POLDIP3: variants seen among roughly 807,000 people sequenced by gnomAD.
The protein encoded by POLDIP3 is polymerase delta-interacting protein 3.
A neutral mutation model predicts 45.1 loss-of-function variants in POLDIP3; 14 were observed. The observed-to-expected ratio is 0.31, with a 90% CI of 0.20 to 0.49. The LOEUF (loss-of-function observed/expected upper bound fraction) is 0.49. Among genes scored for constraint, POLDIP3 ranks in the 20% least tolerant of loss-of-function variants. The pLI, the probability that POLDIP3 is intolerant of heterozygous loss-of-function variation, is 0.99. For synonymous variants in POLDIP3, 223 were observed against 205.2 expected (o/e 1.09, Z -0.74); for missense variants, 511 against 538.8 (o/e 0.95, Z 0.51).
intron 1 of POLDIP3, among the ~76,000 whole-genome samples, chr22:42,610,108 A>G (rs1927030805): frequency 1.3e-5 from 2 of 152,100 alleles, no homozygotes; most frequent in African/African-American, 4.8e-5. Flanking sequence ...CAGGAGGTGG[A>G]GGTTTCGGTG....
intron 1 of POLDIP3, among the ~76,000 whole-genome samples, chr22:42,614,516 C>A (rs1927343309): frequency 1.3e-5 from 2 of 152,182 alleles, no homozygotes; most frequent in South Asian, 4.1e-4. Flanking sequence ...GACCCCGGAA[C>A]GCGGGGGCCC....
rs554557740 is a variant in POLDIP3, at chr22:42,591,085, A to G, written c.1021+870T>C. Among the ~76,000 whole-genome samples the G allele has an allele frequency of 9.3e-5, 14 of 151,040 alleles. 2 individuals are homozygous for G. The South Asian group carries it at 2.9e-3, about 31-fold the overall frequency. On this transcript the variant is annotated intron_variant, in intron 7 of 8. Coordinates refer to ENST00000252115, the MANE Select transcript of POLDIP3 (RefSeq NM_032311.5). Reference sequence around the variant, plus strand: ...AGAAACTCAAAAAAAATAAAAAAATAAAAAAATAATAAAAAATAAAAATAA... The same window carrying G: ...AGAAACTCAAAAAAAATAAAAAAATGAAAAAATAATAAAAAATAAAAATAA...
At chr22:42,595,725 G>C in intron 5 of POLDIP3, 111 bp from the exon 6 acceptor site, 2 of 947,436 alleles carry the variant, frequency 2.1e-6, no homozygotes, top group South Asian at 1.4e-5. Context: ...GCTCCATGGA[G>C]AGTTACCACA....
chr22:42,597,529 G>C, intron 4 of POLDIP3: 2 of 316,554 alleles, frequency 6.3e-6, no homozygotes, highest in Non-Finnish European at 1.3e-5. Flanking sequence ...GGGTGATGTT[G>C]AACAGGCTTA....
In POLDIP3 at chr22:42,587,544, C is replaced by T. The variant is rs1925389322; in HGVS notation, c.1050G>A (p.Met350Ile). 4 of 1,614,158 alleles carry T rather than the reference C, an allele frequency of 2.5e-6. No individual in the cohort carries two copies. The change falls in exon 8 of 9, where the codon ATG becomes ATA. Residue 350 changes from methionine to isoleucine, a missense_variant. Met to Ile is a conservative substitution (Grantham distance 10). This residue lies in a region of POLDIP3 where 66 missense variants were observed against 118.1 expected (regional missense o/e 0.56). Transcript: ENST00000252115. ...GGTCTGAGGTGATAACATTCCCATT[C>T]ATGTGAAGGTTGCACTTCATCGGCT... ...DGQPMKCNLH[M>I]NGNVITSDQP...
intron 1 of POLDIP3, among the ~76,000 whole-genome samples, chr22:42,612,523 C>T (rs1927189127): frequency 6.6e-6 from 1 of 152,164 alleles, no homozygotes; most frequent in Non-Finnish European, 1.5e-5. Context: ...TGCCACATGG[C>T]ACAAACTTTA....
At chr22:42,611,551 C>T (rs1019810589) in intron 1 of POLDIP3, among the ~76,000 whole-genome samples, 4 of 152,196 alleles carry the variant, frequency 2.6e-5, no homozygotes, top group Non-Finnish European at 2.9e-5. Flanking sequence ...ATCCATGCAA[C>T]ATTAAAACCA....
rs1926221393 is a variant in POLDIP3 at position 42,599,631 on chromosome 22, T to C, written c.633+67A>G. ...TCAAAACAAAAAAAACAACAGGTTC[T>C]ATTCAACACGACCTCTCCCACCTGC... On this transcript the variant is annotated intron_variant, in intron 4 of 8. Transcript: ENST00000252115. The C allele has an allele frequency of 3.1e-5, 37 of 1,189,960 alleles. 1 individual carries two copies. In the South Asian group the frequency reaches 4.5e-4, roughly 14 times the overall value. The allele number at this position is 1,189,960 out of a possible 1,614,324, so 73.7% of individuals were successfully genotyped here.
chr22:42,611,037 A>G (rs1927087408), intron 1 of POLDIP3, among the ~76,000 whole-genome samples: 1 of 152,226 alleles, frequency 6.6e-6, no homozygotes, highest in South Asian at 2.1e-4. Context: ...GTGAGGAAAG[A>G]TAGCACCTCA....
intron 8 of POLDIP3, among the ~76,000 whole-genome samples, 176 bp downstream of exon 8, chr22:42,587,330 A>G (rs547240279): frequency 6.6e-6 from 1 of 152,226 alleles, no homozygotes; most frequent in Admixed American, 6.5e-5. Flanking sequence ...CCCTGGGGAA[A>G]TAACAAAGCA....
Position 42,595,614 on chromosome 22 carries a change from G to C in POLDIP3, c.814C>G (p.Pro272Ala). Residue 272 changes from proline to alanine, a missense_variant and splice_region_variant, in exon 6 of 9, where the codon CCT becomes GCT. By Grantham distance (27) the Pro-to-Ala change is conservative. Around this residue, in one of 4 missense-constraint regions of POLDIP3, gnomAD observed 378 missense variants for 352.3 expected, o/e 1.07. Coordinates refer to ENST00000252115, the MANE Select transcript of POLDIP3 (RefSeq NM_032311.5). ...EPPKELPAAE[P>A]VLSPLEGTKM... ...GTGCCTTCCAATGGGCTGAGAACAG[G>C]CTGCCACACAGACAAGAGCATTACC... 6.2e-7 allele frequency: 1 copy of C among 1,613,660 alleles called. No homozygotes were observed.
At chr22:42,594,829 T>C (rs1465277555) in intron 6 of POLDIP3, among the ~76,000 whole-genome samples, 1 of 152,226 alleles carries the variant, frequency 6.6e-6, no homozygotes, top group Non-Finnish European at 1.5e-5. Context: ...TCTTTCACTT[T>C]GGAATCATCT....
chr22:42,591,883 TG>T, intron 7 of POLDIP3, 71 bp downstream of exon 7: 1 of 1,595,148 alleles, frequency 6.3e-7, no homozygotes, highest in Admixed American at 1.7e-5. Flanking sequence ...AGACTTCCCC[TG>T]GAAGGCCTGC....
intron 1 of POLDIP3, among the ~76,000 whole-genome samples, chr22:42,614,171 C>T (rs1927309216): frequency 6.6e-6 from 1 of 152,234 alleles, no homozygotes; most frequent in Non-Finnish European, 1.5e-5. Context: ...CACTCTACCA[C>T]TTCCAGCCTC....
intron 3 of POLDIP3, among the ~76,000 whole-genome samples, chr22:42,601,108 C>T (rs1165091762): frequency 1.3e-5 from 2 of 151,862 alleles, no homozygotes; most frequent in South Asian, 2.1e-4. Flanking sequence ...AAAAAAGAAG[C>T]GTACATGTAA....
At chr22:42,604,831 C>G (rs1376149514) in intron 1 of POLDIP3, among the ~76,000 whole-genome samples, 2 of 152,234 alleles carry the variant, frequency 1.3e-5, no homozygotes, top group Admixed American at 1.3e-4. Context: ...GACTGAACAT[C>G]TGTGTCCCCC....
chr22:42,585,520 G>A lies in POLDIP3; in HGVS notation c.*271C>T, dbSNP rs777800912. The A allele has an allele frequency of 9.4e-5, 43 of 457,184 alleles. No individual in the cohort carries two copies. The highest frequency in any genetic ancestry group is 1.6e-4 in the Non-Finnish European group (40 of 249,672). 28.3% of individuals were successfully genotyped at this position (457,184 alleles called of 1,614,324 possible). ...AGATAAGAAATCAGCTTGGGGCTGA[G>A]GCTCGGGGAGGCACACACTGAAAAA... On this transcript the variant is annotated 3_prime_UTR_variant, in exon 9 of 9. Transcript: ENST00000252115.
chr22:42,608,385 T>TGGACTCCA (rs1198823071), intron 1 of POLDIP3, among the ~76,000 whole-genome samples: 2 of 150,550 alleles, frequency 1.3e-5, no homozygotes, highest in African/African-American at 4.9e-5. Flanking sequence ...ATCACACCAC[T>TGGACTCCA]GGACTCCAGC....
chr22:42,603,234 T>TAACAC, intron 1 of POLDIP3, 74 bp from the exon 2 acceptor site: 1 of 1,513,288 alleles, frequency 6.6e-7, no homozygotes, highest in Non-Finnish European at 9.0e-7. Flanking sequence ...GGAACTGTGG[T>TAACAC]AACACTGGGG....
Sources: allele counts gnomAD v4.1 joint callset (sites outside exome capture counted in the v4.1 genomes callset), GRCh38; gene constraint gnomAD v4.1.1; regional missense constraint gnomAD v4.1.1; transcripts MANE v1.5; gene names NCBI Gene and HGNC (gene_info 2026-07-23, HGNC 2026-07-21).